NECTIN3: variants seen among roughly 807,000 people sequenced by gnomAD.
NECTIN3 encodes the protein nectin-3.
NECTIN3 carries 8 observed loss-of-function variants against 49.4 expected under a neutral mutation model. That is an observed-to-expected ratio of 0.16 (90% CI 0.10 to 0.29). NECTIN3 has a LOEUF of 0.29. Among genes scored for constraint, NECTIN3 ranks in the 10% least tolerant of loss-of-function variants. NECTIN3 has a pLI of 1.00. For missense variants in NECTIN3, 581 were observed against 654.6 expected, an observed-to-expected ratio of 0.89 and a Z score of 1.23; for synonymous variants, 277 against 241.1, an observed-to-expected ratio of 1.15 and a Z score of -1.38.
At chr3:111,193,369 A>G in intron 1 of NECTIN3, 1 of 1,530,956 alleles carries the variant, frequency 6.5e-7, no homozygotes, top group African/African-American at 1.4e-5. Context: ...CCACGAGAAC[A>G]TTATGTGTGA....
intron 6 of NECTIN3, among the ~76,000 whole-genome samples, chr3:111,146,658 C>T (rs1291217623): frequency 6.6e-6 from 1 of 151,842 alleles, no homozygotes; most frequent in Non-Finnish European, 1.5e-5. Flanking sequence ...GCTTTCATTC[C>T]CTTTATCCTT....
At chr3:111,158,721 C>T (rs1007470756) in intron 7 of NECTIN3, among the ~76,000 whole-genome samples, 1 of 151,918 alleles carries the variant, frequency 6.6e-6, no homozygotes, top group Admixed American at 6.6e-5. Flanking sequence ...TGTACCAGAA[C>T]ATAAAAGCAT....
intron 7 of NECTIN3, among the ~76,000 whole-genome samples, chr3:111,161,013 A>T (rs1392658543): frequency 2.0e-5 from 3 of 152,226 alleles, no homozygotes; most frequent in African/African-American, 7.2e-5. Context: ...TCTCAAAAAA[A>T]ATGGATCGAG....
chr3:111,098,983 G>T (rs1476672526), intron 1 of NECTIN3, among the ~76,000 whole-genome samples: 2 of 150,930 alleles, frequency 1.3e-5, no homozygotes, highest in Non-Finnish European at 2.9e-5. Flanking sequence ...TGCCTTTCTG[G>T]CCTTATCTCC....
intron 1 of NECTIN3, chr3:111,072,436 G>A: frequency 1.3e-6 from 2 of 1,533,694 alleles, no homozygotes; most frequent in Non-Finnish European, 1.7e-6. Context: ...GAGGGTTGGC[G>A]ATGGTGCTTC....
intron 1 of NECTIN3, among the ~76,000 whole-genome samples, chr3:111,098,933 A>C (rs2032747065): frequency 1.3e-5 from 2 of 151,956 alleles, no homozygotes; most frequent in African/African-American, 2.4e-5. Context: ...TAGTTTAAAA[A>C]AAAAAAAAAA....
chr3:111,071,860 C>A lies in NECTIN3; in HGVS notation c.-158C>A. On this transcript the variant is annotated 5_prime_UTR_variant, in exon 1 of 6. Coordinates refer to ENST00000485303, the MANE Select transcript of NECTIN3 (RefSeq NM_015480.3). ...GCGACGGCGGTGTCGAGGCAGCCGCCAGCGTTCGGCCAAGTGTCAGCCGGC... is the reference window on the plus strand; with the variant it reads ...GCGACGGCGGTGTCGAGGCAGCCGCAAGCGTTCGGCCAAGTGTCAGCCGGC... 2.3e-6 allele frequency: 1 copy of A among 439,356 alleles called. No homozygotes were observed. Among genetic ancestry groups the A allele is most frequent in the South Asian group, 9.7e-5 (1 of 10,304 alleles). 27.2% of individuals were successfully genotyped at this position (439,356 alleles called of 1,614,324 possible). A position where few individuals can be genotyped will look rare whatever the true frequency, so the allele number is the denominator to read the frequency against.
At chr3:111,117,865 G>A (rs1414033486) in intron 2 of NECTIN3, among the ~76,000 whole-genome samples, 1 of 152,150 alleles carries the variant, frequency 6.6e-6, no homozygotes, top group African/African-American at 2.4e-5. Flanking sequence ...AGATTGAGAG[G>A]TTCTAACATT....
chr3:111,091,831 G>A (rs933729773), intron 1 of NECTIN3, among the ~76,000 whole-genome samples: 3 of 152,168 alleles, frequency 2.0e-5, no homozygotes, highest in African/African-American at 7.2e-5. Context: ...AAGTGAAATT[G>A]CTGGAGGTGT....
chr3:111,144,014 T>C (rs574432265), intron 5 of NECTIN3, among the ~76,000 whole-genome samples: 1 of 152,182 alleles, frequency 6.6e-6, no homozygotes, highest in Admixed American at 6.5e-5. Flanking sequence ...ATAGCGAAAT[T>C]GTCAAAGTAA....
At chr3:111,157,033 C>G (rs1576168120) in intron 7 of NECTIN3, among the ~76,000 whole-genome samples, 1 of 152,104 alleles carries the variant, frequency 6.6e-6, no homozygotes, top group Non-Finnish European at 1.5e-5. Context: ...GAGAAATAAG[C>G]CCCACAATGA....
intron 1 of NECTIN3, among the ~76,000 whole-genome samples, chr3:111,101,696 T>C (rs2032915860): frequency 6.6e-6 from 1 of 152,200 alleles, no homozygotes; most frequent in African/African-American, 2.4e-5. Context: ...ACTTGAAATA[T>C]GGCTTGTAAC....
intron 7 of NECTIN3, among the ~76,000 whole-genome samples, chr3:111,156,694 T>C (rs1001321559): frequency 6.6e-6 from 1 of 152,140 alleles, no homozygotes; most frequent in Non-Finnish European, 1.5e-5. Flanking sequence ...ACCTGTCAGA[T>C]AACTTTCCAC....
intron 1 of NECTIN3, among the ~76,000 whole-genome samples, chr3:111,093,746 C>T (rs1436140362): frequency 1.3e-5 from 2 of 152,162 alleles, no homozygotes; most frequent in East Asian, 1.9e-4. Context: ...TTATGTATCT[C>T]TTAAACCAAA....
intron 1 of NECTIN3, among the ~76,000 whole-genome samples, chr3:111,093,671 G>C (rs1022606569): frequency 2.6e-5 from 4 of 152,030 alleles, no homozygotes; most frequent in African/African-American, 9.7e-5. Context: ...CCTAACCTCA[G>C]GTGATCCGCC....
intron 7 of NECTIN3, among the ~76,000 whole-genome samples, chr3:111,182,991 G>T (rs2035652913): frequency 6.6e-6 from 1 of 151,382 alleles, no homozygotes. Flanking sequence ...CATTTATTTA[G>T]TATTTAGCAT....
At chr3:111,118,248 C>CTCTA (rs1553723386) in intron 2 of NECTIN3, among the ~76,000 whole-genome samples, 1 of 78,002 alleles carries the variant, frequency 1.3e-5, no homozygotes, top group Non-Finnish European at 2.6e-5. Context: ...TAAAATGAAG[C>CTCTA]TATATATATA....
chr3:111,099,266 G>A (rs915706901), intron 1 of NECTIN3, among the ~76,000 whole-genome samples: 1 of 152,158 alleles, frequency 6.6e-6, no homozygotes, highest in Non-Finnish European at 1.5e-5. Flanking sequence ...GTTTTCCTAA[G>A]TATCTTTTTA....
intron 1 of NECTIN3, among the ~76,000 whole-genome samples, chr3:111,110,119 G>C (rs2033390686): frequency 6.6e-6 from 1 of 151,614 alleles, no homozygotes; most frequent in African/African-American, 2.4e-5. Context: ...CATCTTCTTG[G>C]ATTTTGCAGG....
Sources: gnomAD v4.1 joint callset for allele counts (sites outside exome capture counted in the v4.1 genomes callset) on GRCh38, gnomAD v4.1.1 for gene constraint, MANE v1.5 for transcripts, NCBI Gene and HGNC (gene_info 2026-07-23, HGNC 2026-07-21) for gene names.